The following PTPRZ1 variants were observed in gnomAD, a reference collection of about 807,000 sequenced individuals.
PTPRZ1 encodes protein tyrosine phosphatase receptor type Z1, also known as receptor-type tyrosine-protein phosphatase zeta.
Under a neutral mutation model 214.1 loss-of-function variants are expected in PTPRZ1, and 82 were observed. The ratio of observed to expected loss-of-function variants is 0.38; its 90% confidence interval spans 0.32 to 0.46. PTPRZ1 has a LOEUF of 0.46. PTPRZ1 is among the 20% of genes least tolerant of loss of function. PTPRZ1 has a pLI of 1.00. For missense variants in PTPRZ1, 2,603 were observed against 2,748.7 expected (o/e 0.95, Z 1.19); for synonymous variants, 945 against 987.9 (o/e 0.96, Z 0.81).
Position 122,005,187 on chromosome 7 carries a change from A to G in PTPRZ1, c.1287+527A>G, listed in dbSNP as rs190322372. On this transcript the variant is annotated intron_variant, in intron 11 of 29. Transcript: ENST00000393386. ...CATTGTGCTGACAACAGGCACTTAT[A>G]CTACGAGTAGTCTATACTTTTTAAA... Among the ~76,000 whole-genome samples the G allele has an allele frequency of 2.1e-4, 32 of 152,166 alleles. 1 individual carries two copies. In the South Asian group the frequency reaches 2.7e-3, roughly 13 times the overall value.
chr7:121,959,883 C>A (rs115808754), intron 2 of PTPRZ1, among the ~76,000 whole-genome samples: 1,638 of 152,086 alleles, frequency 0.011, 23 homozygotes, highest in African/African-American at 0.036. Context: ...GAAAGCAAGC[C>A]CAAGGTAATT....
chr7:121,972,994 T>A (rs1216624243), intron 4 of PTPRZ1, among the ~76,000 whole-genome samples: 1 of 152,126 alleles, frequency 6.6e-6, no homozygotes, highest in Non-Finnish European at 1.5e-5. Context: ...GATTTAAATC[T>A]TTTGATTAAA....
chr7:121,926,653 G>A (rs147468254), intron 1 of PTPRZ1, among the ~76,000 whole-genome samples: 337 of 152,274 alleles, frequency 2.2e-3, no homozygotes, highest in Non-Finnish European at 3.7e-3. Flanking sequence ...GGATGGGCGT[G>A]GGTGTGGGGT....
At chr7:121,933,854 C>G (rs953721036) in intron 2 of PTPRZ1, among the ~76,000 whole-genome samples, 1 of 152,088 alleles carries the variant, frequency 6.6e-6, no homozygotes, top group African/African-American at 2.4e-5. Context: ...TCTTTAACTT[C>G]TATAATCTAG....
intron 6 of PTPRZ1, among the ~76,000 whole-genome samples, chr7:121,981,225 CCT>C (rs1206514314): frequency 2.0e-5 from 3 of 152,136 alleles, no homozygotes; most frequent in Non-Finnish European, 4.4e-5. Context: ...AGCCTACTAC[CCT>C]GCATGTTTGC....
chr7:121,907,352 A>G (rs1185286921), intron 1 of PTPRZ1, among the ~76,000 whole-genome samples: 1 of 152,034 alleles, frequency 6.6e-6, no homozygotes, highest in Non-Finnish European at 1.5e-5. Context: ...GTGGCAAATA[A>G]TTCCAAGACA....
intron 2 of PTPRZ1, among the ~76,000 whole-genome samples, chr7:121,948,033 T>C (rs1345347303): frequency 2.6e-5 from 4 of 152,162 alleles, no homozygotes; most frequent in Non-Finnish European, 4.4e-5. Flanking sequence ...TTAGTTATTC[T>C]GAAAATGTGA....
intron 27 of PTPRZ1, among the ~76,000 whole-genome samples, chr7:122,055,692 A>G (rs1375556597): frequency 6.6e-6 from 1 of 151,920 alleles, no homozygotes; most frequent in African/African-American, 2.4e-5. Flanking sequence ...AATTATATGC[A>G]AATATCTATT....
intron 17 of PTPRZ1, among the ~76,000 whole-genome samples, chr7:122,035,857 T>C (rs1467765974): frequency 2.0e-5 from 3 of 152,248 alleles, no homozygotes; most frequent in Admixed American, 6.5e-5. Flanking sequence ...ATATGTATTT[T>C]CTCCAAATAA....
At chr7:121,892,679 CATATATATATATATATATATATATAT>C (rs58030102) in intron 1 of PTPRZ1, among the ~76,000 whole-genome samples, 6 of 98,214 alleles carry the variant, frequency 6.1e-5, no homozygotes, top group South Asian at 3.2e-4. Context: ...TCAAGCATCT[CATATATATATATATATATATATATAT>C]ATATATATAT....
intron 15 of PTPRZ1, among the ~76,000 whole-genome samples, chr7:122,033,537 TAG>T (rs530390690): frequency 1.6e-4 from 24 of 152,204 alleles, no homozygotes; most frequent in Admixed American, 1.6e-3. Context: ...ATTAAATATT[TAG>T]AGTGTTATGC....
intron 2 of PTPRZ1, among the ~76,000 whole-genome samples, chr7:121,961,371 T>G (rs1796871984): frequency 6.6e-6 from 1 of 152,230 alleles, no homozygotes; most frequent in Non-Finnish European, 1.5e-5. Flanking sequence ...TCTGCCACCA[T>G]GAGTTTGCTC....
chr7:122,031,588 A>G (rs751293826), intron 15 of PTPRZ1, 29 bp downstream of exon 15: 3 of 1,430,654 alleles, frequency 2.1e-6, no homozygotes, highest in Non-Finnish European at 2.9e-6. Context: ...TATTTTAAAT[A>G]ATATAGAAAA....
At chr7:122,057,337 AAATGAAGT>A (rs1193507055) in intron 27 of PTPRZ1, among the ~76,000 whole-genome samples, 2 of 151,926 alleles carry the variant, frequency 1.3e-5, no homozygotes, top group Non-Finnish European at 2.9e-5. Context: ...CTCTTGTTGA[AAATGAAGT>A]TTTCAACATA....
rs117268052 is a variant in PTPRZ1, at chr7:121,875,903, A to G, written c.58+2346A>G. Among the ~76,000 whole-genome samples, 4 of 152,292 alleles carry G rather than the reference A, an allele frequency of 2.6e-5. No homozygotes were observed. In the East Asian group the frequency reaches 5.8e-4, roughly 22 times the overall value. On this transcript the variant is annotated intron_variant, in intron 1 of 29. Coordinates refer to ENST00000393386, the MANE Select transcript of PTPRZ1 (RefSeq NM_002851.3). ...CTCATCTTCAGTGTTCTTAGAGCCAATGAGGTAGCCTGACATATGTATTAA... is the reference window on the plus strand; with the variant it reads ...CTCATCTTCAGTGTTCTTAGAGCCAGTGAGGTAGCCTGACATATGTATTAA...
rs117338977 is a variant in PTPRZ1 at position 122,046,726 on chromosome 7, G to A, written c.6084+2158G>A. On this transcript the variant is annotated intron_variant, in intron 23 of 29. Transcript: ENST00000393386. The stretch of plus-strand genomic sequence containing the variant: ...TGAGAGGTGTGGTGAGGGAGAAGAC[G>A]TGAGATATTTCCAAATCTACCTTAT... 1.9e-3 allele frequency among the ~76,000 whole-genome samples: 288 copies of A among 152,212 alleles called. 7 individuals carry two copies. The East Asian group carries it at 0.032, about 17-fold the overall frequency.
chr7:121,962,882 A>G (rs1305492269), intron 2 of PTPRZ1, among the ~76,000 whole-genome samples: 1 of 151,960 alleles, frequency 6.6e-6, no homozygotes, highest in African/African-American at 2.4e-5. Context: ...CAATATTAAC[A>G]CTTCACTAGT....
At chr7:121,989,375 G>GT (rs11395654) in intron 8 of PTPRZ1, among the ~76,000 whole-genome samples, 120,445 of 137,436 alleles carry the variant, frequency 0.88, 53,096 homozygotes, top group Non-Finnish European at 0.93. Flanking sequence ...TCCTATGAAA[G>GT]TTTTTTTTTT....
intron 23 of PTPRZ1, among the ~76,000 whole-genome samples, chr7:122,045,705 C>CACAT (rs2150483285): frequency 6.6e-6 from 1 of 151,880 alleles, no homozygotes; most frequent in South Asian, 2.1e-4. Flanking sequence ...CACACACACA[C>CACAT]ACACACACAA....
Sources: gnomAD v4.1 joint callset for allele counts (sites outside exome capture counted in the v4.1 genomes callset) on GRCh38, gnomAD v4.1.1 for gene constraint, MANE v1.5 for transcripts, NCBI Gene and HGNC (gene_info 2026-07-23, HGNC 2026-07-21) for gene names.